Variants in CSTPP1 observed in about 807,000 individuals in gnomAD.
CSTPP1 encodes the protein UPF0705 protein C11orf49.
the CSTPP1 span, among the ~76,000 whole-genome samples, chr11:47,017,033 A>C: frequency 7.1e-6 from 1 of 139,970 alleles, no homozygotes; most frequent in African/African-American, 2.7e-5. Context: ...TTGTATTTTT[A>C]GTAGAGATGA....
the CSTPP1 span, among the ~76,000 whole-genome samples, chr11:46,997,611 C>T: frequency 6.6e-6 from 1 of 152,226 alleles, no homozygotes; most frequent in African/African-American, 2.4e-5. Context: ...TGGCGAGGAT[C>T]TGCGTTTCTT....
the CSTPP1 span, among the ~76,000 whole-genome samples, chr11:46,946,644 C>T: frequency 1.3e-5 from 2 of 152,128 alleles, no homozygotes; most frequent in Non-Finnish European, 1.5e-5. Flanking sequence ...GGCGACAGAG[C>T]GAGACTCCAT....
chr11:47,164,247 G>C, the CSTPP1 span: 1 of 1,612,790 alleles, frequency 6.2e-7, no homozygotes. Context: ...GGAGCCCAGA[G>C]AGTGAGGCCA....
chr11:47,036,262 AAT>A, the CSTPP1 span, among the ~76,000 whole-genome samples: 23,329 of 65,068 alleles, frequency 0.36, 6,556 homozygotes, highest in African/African-American at 0.45. Flanking sequence ...TATATTATAT[AAT>A]ATATATATTA....
At chr11:47,017,010 T>A in the CSTPP1 span, among the ~76,000 whole-genome samples, 5 of 137,114 alleles carry the variant, frequency 3.6e-5, no homozygotes, top group African/African-American at 1.1e-4. Context: ...GCCTGGCTAA[T>A]TTTTTTTTTT....
chr11:47,110,603 T>C, the CSTPP1 span, among the ~76,000 whole-genome samples: 3 of 152,052 alleles, frequency 2.0e-5, no homozygotes, highest in Non-Finnish European at 4.4e-5. Context: ...ACTGGCATAA[T>C]TGATGCCACA....
the CSTPP1 span, among the ~76,000 whole-genome samples, chr11:46,969,095 A>C: frequency 6.6e-6 from 1 of 151,994 alleles, no homozygotes; most frequent in African/African-American, 2.4e-5. Context: ...AGATCTGAAC[A>C]TTTTTTTTAA....
the CSTPP1 span, among the ~76,000 whole-genome samples, chr11:46,949,323 G>A: frequency 6.6e-6 from 1 of 152,304 alleles, no homozygotes; most frequent in South Asian, 2.1e-4. Flanking sequence ...TTAGAAACAT[G>A]ATTGTCTTCT....
the CSTPP1 span, among the ~76,000 whole-genome samples, chr11:47,096,548 C>T: frequency 6.6e-6 from 1 of 152,184 alleles, no homozygotes; most frequent in Non-Finnish European, 1.5e-5. Context: ...GTCAAGGTCA[C>T]ATTCGGATTT....
the CSTPP1 span, chr11:47,161,190 TG>T: frequency 1.2e-5 from 19 of 1,614,052 alleles, no homozygotes; most frequent in African/African-American, 1.3e-5. Flanking sequence ...CTGGAACGGC[TG>T]TAAGTGTCAA....
At chr11:47,001,506 C>T in the CSTPP1 span, among the ~76,000 whole-genome samples, 2 of 151,680 alleles carry the variant, frequency 1.3e-5, no homozygotes, top group South Asian at 4.2e-4. Flanking sequence ...TAGTGCATAC[C>T]CGTTTTTTTT....
chr11:47,109,912 A>C, the CSTPP1 span, among the ~76,000 whole-genome samples: 2 of 152,360 alleles, frequency 1.3e-5, no homozygotes, highest in Admixed American at 1.3e-4. Context: ...AGAGGCGGGA[A>C]GCAAAACACT....
the CSTPP1 span, among the ~76,000 whole-genome samples, chr11:47,122,094 ATATATAT>A: frequency 2.0e-5 from 2 of 100,786 alleles, no homozygotes; most frequent in African/African-American, 8.1e-5. Context: ...AAAAAAAAAT[ATATATAT>A]ATATATATAT....
At chr11:47,120,751 C>G in the CSTPP1 span, among the ~76,000 whole-genome samples, 1 of 152,206 alleles carries the variant, frequency 6.6e-6, no homozygotes, top group Non-Finnish European at 1.5e-5. The surrounding 1 kb of genome is among the most constrained non-coding windows in gnomAD (Gnocchi z 4.2). Context: ...GAGGACAGTA[C>G]TTACCCTATA....
At chr11:46,999,219 GATA>G in the CSTPP1 span, among the ~76,000 whole-genome samples, 11 of 150,612 alleles carry the variant, frequency 7.3e-5, no homozygotes, top group Non-Finnish European at 8.9e-5. Context: ...AGCCTTACAT[GATA>G]ATAATAATAA....
chr11:47,089,946 C>G, the CSTPP1 span, among the ~76,000 whole-genome samples: 12 of 152,158 alleles, frequency 7.9e-5, no homozygotes, highest in Non-Finnish European at 1.8e-4. Flanking sequence ...TAGTAATTTA[C>G]TGTGTAGAGG....
chr11:46,976,935 T>G, the CSTPP1 span, among the ~76,000 whole-genome samples: 1 of 152,224 alleles, frequency 6.6e-6, no homozygotes. Flanking sequence ...CCCAAGCTAT[T>G]GAAATCCGTA....
chr11:47,155,636 G>C, the CSTPP1 span: 4 of 242,800 alleles, frequency 1.6e-5, no homozygotes, highest in Non-Finnish European at 2.5e-5. Flanking sequence ...CCTTGAGAGA[G>C]AGTCCTTTCA....
the CSTPP1 span, chr11:47,137,263 T>A: frequency 7.7e-7 from 1 of 1,301,338 alleles, no homozygotes. Flanking sequence ...AACGTTACCA[T>A]GCCAGAGAAT....
Sources: gnomAD v4.1 joint callset for allele counts (sites outside exome capture counted in the v4.1 genomes callset) on GRCh38, gnomAD v4.1.1 for gene constraint, Gnocchi (gnomAD v3.1) non-coding constraint, MANE v1.5 for transcripts, NCBI Gene and HGNC (gene_info 2026-07-23, HGNC 2026-07-21) for gene names.